Variants in LY6S observed in about 807,000 individuals in gnomAD.
LY6S encodes the protein lymphocyte antigen 6 family member S, also known as lymphocyte antigen 6S.
chr8:143,058,249 G>A, the LY6S span, among the ~76,000 whole-genome samples: 4 of 152,072 alleles, frequency 2.6e-5, no homozygotes, highest in African/African-American at 4.8e-5. Context: ...TGGGCCCAGG[G>A]GACCACTACC....
At chr8:143,068,754 CTT>C in the LY6S span, among the ~76,000 whole-genome samples, 6 of 148,656 alleles carry the variant, frequency 4.0e-5, no homozygotes, top group South Asian at 2.1e-4. Context: ...CTAATAATTT[CTT>C]TTTTTTTTTC....
chr8:143,054,647 TCCATCTAACTCCACGCTTACAGCTCCCC>T, the LY6S span, among the ~76,000 whole-genome samples: 5 of 152,282 alleles, frequency 3.3e-5, no homozygotes, highest in East Asian at 1.9e-4. Context: ...TACAGCTCCC[TCCATCTAACTCCACGCTTACAGCTCCCC>T]CCATCTAACT....
the LY6S span, chr8:143,043,259 A>G: frequency 2.3e-5 from 31 of 1,362,488 alleles, no homozygotes; most frequent in South Asian, 2.9e-4. Flanking sequence ...CCACAACGGC[A>G]CTTGTAAGTT....
chr8:143,059,749 G>C, the LY6S span: 3 of 152,114 alleles, frequency 2.0e-5, no homozygotes, highest in African/African-American at 7.2e-5. Flanking sequence ...TTACAGTCAT[G>C]AGCCACTGTG....
At chr8:143,066,788 T>A in the LY6S span, among the ~76,000 whole-genome samples, 1 of 152,048 alleles carries the variant, frequency 6.6e-6, no homozygotes, top group African/African-American at 2.4e-5. Flanking sequence ...AGGCTTTTGG[T>A]TGTGTTGATG....
At chr8:143,073,092 C>T in the LY6S span, among the ~76,000 whole-genome samples, 106 of 77,194 alleles carry the variant, frequency 1.4e-3, no homozygotes, top group African/African-American at 7.0e-3. Context: ...GCCGTCGTCC[C>T]CGGGGTTCCT....
the LY6S span, among the ~76,000 whole-genome samples, chr8:143,062,627 C>T: frequency 9.2e-5 from 14 of 152,216 alleles, no homozygotes; most frequent in East Asian, 2.1e-3. Flanking sequence ...GAGCCAAGAT[C>T]GCACCATTGC....
chr8:143,059,357 G>A, the LY6S span, among the ~76,000 whole-genome samples: 1 of 151,738 alleles, frequency 6.6e-6, no homozygotes, highest in Non-Finnish European at 1.5e-5. Flanking sequence ...GGCTAGGATG[G>A]TTTTGGGTAG....
chr8:143,070,485 A>ATTT, the LY6S span, among the ~76,000 whole-genome samples: 2 of 84,878 alleles, frequency 2.4e-5, no homozygotes. Flanking sequence ...AAATATATAT[A>ATTT]TATATTTTTT....
At chr8:143,070,433 TTATATATATATTGTA>T in the LY6S span, among the ~76,000 whole-genome samples, 9 of 94,840 alleles carry the variant, frequency 9.5e-5, no homozygotes, top group East Asian at 2.4e-3. Flanking sequence ...TATATATATA[TTATATATATATTGTA>T]TATATATATA....
chr8:143,057,892 G>T, the LY6S span: 1 of 631,324 alleles, frequency 1.6e-6, no homozygotes, highest in East Asian at 2.8e-5. Context: ...ATTTCAACCA[G>T]CCCATGCGCA....
the LY6S span, chr8:143,057,087 T>A: frequency 3.3e-6 from 1 of 300,288 alleles, no homozygotes; most frequent in Non-Finnish European, 6.8e-6. Context: ...TTTTCTGGCT[T>A]GTTTGTGCAA....
chr8:143,074,472 T>A, the LY6S span, among the ~76,000 whole-genome samples: 2 of 152,306 alleles, frequency 1.3e-5, no homozygotes, highest in African/African-American at 4.8e-5. Context: ...GCCCATCCAA[T>A]GAGTTCTTAA....
At chr8:143,052,077 G>C in the LY6S span, among the ~76,000 whole-genome samples, 8 of 151,854 alleles carry the variant, frequency 5.3e-5, 1 homozygote, top group Admixed American at 3.3e-4. Context: ...GTCAGGAGAT[G>C]GAGACCATCC....
the LY6S span, among the ~76,000 whole-genome samples, chr8:143,061,318 G>A: frequency 1.3e-5 from 2 of 151,938 alleles, no homozygotes; most frequent in African/African-American, 2.4e-5. Context: ...CATGCTGATA[G>A]TATTAGGCAG....
At chr8:143,043,371 C>A in the LY6S span, 2 of 701,114 alleles carry the variant, frequency 2.9e-6, no homozygotes, top group Non-Finnish European at 4.1e-6. Flanking sequence ...ATGAGCAGGG[C>A]CCTGCCCCGG....
the LY6S span, chr8:143,057,455 G>C: frequency 1.7e-6 from 1 of 593,930 alleles, no homozygotes; most frequent in African/African-American, 1.8e-5. Flanking sequence ...TCACCATATT[G>C]GCCAGGCTGG....
chr8:143,073,717 T>C, the LY6S span, among the ~76,000 whole-genome samples: 1 of 135,072 alleles, frequency 7.4e-6, no homozygotes, highest in Non-Finnish European at 1.6e-5. Context: ...GGGCTCCTGT[T>C]TGAGGAGACA....
the LY6S span, among the ~76,000 whole-genome samples, chr8:143,050,273 C>T: frequency 4.8e-4 from 72 of 150,306 alleles, no homozygotes; most frequent in East Asian, 1.2e-3. Context: ...CTTTGCCTCC[C>T]GGGTTAAAGC....
Sources: allele counts gnomAD v4.1 joint callset (sites outside exome capture counted in the v4.1 genomes callset), GRCh38; gene constraint gnomAD v4.1.1; transcripts MANE v1.5; gene names NCBI Gene and HGNC (gene_info 2026-07-23, HGNC 2026-07-21).